The following NRCAM variants were observed in gnomAD, a reference collection of about 807,000 sequenced individuals.
NRCAM encodes the protein neuronal cell adhesion molecule.
Under a neutral mutation model 156.5 loss-of-function variants are expected in NRCAM, and 83 were observed. The ratio of observed to expected loss-of-function variants is 0.53; its 90% CI spans 0.44 to 0.64. NRCAM has a LOEUF of 0.64. Among genes scored for constraint, NRCAM ranks in the 30% least tolerant of loss-of-function variants. The pLI, the probability that NRCAM is intolerant of heterozygous loss-of-function variation, is 0.00. For missense variants in NRCAM, 1,417 were observed against 1,597.3 expected, an observed-to-expected ratio of 0.89 and a Z score of 1.92; for synonymous variants, 538 against 563.9, an observed-to-expected ratio of 0.95 and a Z score of 0.65.
intron 32 of NRCAM, among the ~76,000 whole-genome samples, chr7:108,155,099 T>TACAC (rs1430907685): frequency 2.6e-3 from 237 of 89,968 alleles, no homozygotes; most frequent in Non-Finnish European, 4.0e-3. Flanking sequence ...TATATATATA[T>TACAC]ATACACACAC....
intron 2 of NRCAM, among the ~76,000 whole-genome samples, chr7:108,365,418 T>C (rs539485148): frequency 6.6e-6 from 1 of 152,342 alleles, no homozygotes; most frequent in African/African-American, 2.4e-5. Flanking sequence ...TGACAAGTAA[T>C]AGTTGTATAT....
rs990145594 is a variant in NRCAM at position 108,191,417 on chromosome 7, C to T, written c.1904-134G>A. 14 of 664,890 alleles carry T rather than the reference C, an allele frequency of 2.1e-5. No individual in the cohort carries two copies. In the African/African-American group the frequency reaches 2.4e-4, roughly 11 times the overall value. The allele number at this position is 664,890 out of a possible 1,614,324, so 41.2% of individuals were successfully genotyped here. Reference sequence around the variant, plus strand: ...CCCTATGCTTAGCTGTGAGACACAGCATTGATAAACATGCAGTAACAATTT... The same window carrying T: ...CCCTATGCTTAGCTGTGAGACACAGTATTGATAAACATGCAGTAACAATTT... On this transcript the variant is annotated intron_variant, in intron 18 of 32. Transcript: ENST00000379028.
intron 2 of NRCAM, among the ~76,000 whole-genome samples, chr7:108,324,150 A>G (rs1185383292): frequency 1.3e-5 from 2 of 152,050 alleles, no homozygotes; most frequent in African/African-American, 4.8e-5. Context: ...CCTGACTTCC[A>G]TTTTGAAGGG....
chr7:108,220,400 A>T (rs1236084720), intron 11 of NRCAM, among the ~76,000 whole-genome samples: 2 of 152,222 alleles, frequency 1.3e-5, no homozygotes, highest in Non-Finnish European at 2.9e-5. Context: ...AGCAAGACTA[A>T]GCAAAAAGAA....
intron 4 of NRCAM, 95 bp from the exon 5 acceptor site, chr7:108,237,864 G>A: frequency 1.2e-6 from 1 of 851,426 alleles, no homozygotes; most frequent in Non-Finnish European, 1.7e-6. Context: ...GAAGATAAAG[G>A]GGGCATCTTG....
chr7:108,225,953 A>G (rs2093376550), intron 9 of NRCAM, among the ~76,000 whole-genome samples: 1 of 152,200 alleles, frequency 6.6e-6, no homozygotes, highest in Non-Finnish European at 1.5e-5. Flanking sequence ...GCACACATAA[A>G]TGCTCAGAAC....
rs535678887 is a variant in NRCAM, at chr7:108,349,435, A to G, written c.-173-36704T>C. Among the ~76,000 whole-genome samples the G allele has an allele frequency of 9.8e-4, 148 of 151,752 alleles. 2 individuals are homozygous for G. The highest frequency in any genetic ancestry group is 3.4e-3 in the African/African-American group (142 of 41,378). On this transcript the variant is annotated intron_variant, in intron 2 of 32. Coordinates refer to ENST00000379028, the MANE Select transcript of NRCAM (RefSeq NM_001037132.4). Reference sequence around the variant, plus strand: ...AGGCGCCTGCCACCACGCCCTGCTAATTTTTTGTATTTTTAGTAGAGACGG... The same window carrying G: ...AGGCGCCTGCCACCACGCCCTGCTAGTTTTTTGTATTTTTAGTAGAGACGG...
At chr7:108,368,743 A>T (rs1189542762) in intron 2 of NRCAM, among the ~76,000 whole-genome samples, 1 of 152,206 alleles carries the variant, frequency 6.6e-6, no homozygotes, top group African/African-American at 2.4e-5. Context: ...AACAAGCGTG[A>T]AGTAGAGCAA....
intron 1 of NRCAM, among the ~76,000 whole-genome samples, chr7:108,430,212 T>C (rs1322486027): frequency 2.0e-5 from 3 of 150,562 alleles, no homozygotes. Flanking sequence ...TGGGTTGGTA[T>C]TAAAGTTATT....
chr7:108,283,924 C>T (rs958981188), intron 3 of NRCAM, among the ~76,000 whole-genome samples: 9 of 152,072 alleles, frequency 5.9e-5, no homozygotes, highest in African/African-American at 1.2e-4. Context: ...TGGCTCACTG[C>T]GACCTCTGCC....
In NRCAM at chr7:108,310,388, G is replaced by A. The variant is rs2098786483; in HGVS notation, c.-107+2277C>T. Among the ~76,000 whole-genome samples the A allele has an allele frequency of 3.3e-5, 5 of 152,166 alleles. No homozygotes were observed. In the South Asian group the frequency reaches 8.3e-4, roughly 25 times the overall value. ...ATGCAGGTAGAAGACAGATTTCCCA[G>A]GGAGAGAATGTACACATTAGGGTTA... On this transcript the variant is annotated intron_variant, in intron 3 of 32. Coordinates refer to ENST00000379028, the MANE Select transcript of NRCAM (RefSeq NM_001037132.4).
At chr7:108,200,692 A>T (rs1292124898) in intron 13 of NRCAM, among the ~76,000 whole-genome samples, 2 of 151,912 alleles carry the variant, frequency 1.3e-5, no homozygotes, top group African/African-American at 2.4e-5. Context: ...TTGCAAAAAT[A>T]TGGAACCAGC....
At chr7:108,219,755 G>C (rs2153663330) in intron 11 of NRCAM, among the ~76,000 whole-genome samples, 1 of 152,160 alleles carries the variant, frequency 6.6e-6, no homozygotes, top group Middle Eastern at 3.4e-3. Context: ...TACTGAGTGG[G>C]GAAAAGTTGA....
At chr7:108,339,902 T>A (rs1447822358) in intron 2 of NRCAM, among the ~76,000 whole-genome samples, 1 of 152,164 alleles carries the variant, frequency 6.6e-6, no homozygotes, top group African/African-American at 2.4e-5. Flanking sequence ...ACGACTTATA[T>A]TCTTCTGCAT....
chr7:108,443,627 C>T (rs1841069194), intron 1 of NRCAM, among the ~76,000 whole-genome samples: 1 of 152,160 alleles, frequency 6.6e-6, no homozygotes, highest in Admixed American at 6.5e-5. Flanking sequence ...CCTGTAGAGA[C>T]TTAAACAAAA....
chr7:108,319,916 C>T (rs913157218), intron 2 of NRCAM, among the ~76,000 whole-genome samples: 5 of 152,040 alleles, frequency 3.3e-5, no homozygotes, highest in African/African-American at 4.8e-5. Flanking sequence ...CAATGGGAAG[C>T]CACTGATGTA....
At chr7:108,279,101 C>T (rs2097761071) in intron 3 of NRCAM, among the ~76,000 whole-genome samples, 1 of 152,150 alleles carries the variant, frequency 6.6e-6, no homozygotes, top group South Asian at 2.1e-4. Context: ...AGAAAACACA[C>T]CCAGATAAAG....
intron 32 of NRCAM, chr7:108,150,752 GC>G (rs750554543): frequency 7.5e-6 from 4 of 532,100 alleles, no homozygotes; most frequent in African/African-American, 1.9e-5. Flanking sequence ...AATGAAAACA[GC>G]CTAAGAAGAA....
intron 5 of NRCAM, among the ~76,000 whole-genome samples, chr7:108,235,727 G>T (rs1440383848): frequency 6.6e-6 from 1 of 152,114 alleles, no homozygotes; most frequent in Non-Finnish European, 1.5e-5. Flanking sequence ...CTCGACTGGG[G>T]TGGTAGTGAT....
Sources: allele counts gnomAD v4.1 joint callset (sites outside exome capture counted in the v4.1 genomes callset), GRCh38; gene constraint gnomAD v4.1.1; transcripts MANE v1.5; gene names NCBI Gene and HGNC (gene_info 2026-07-23, HGNC 2026-07-21).